PDILT: variants seen among roughly 807,000 people sequenced by gnomAD.
PDILT encodes protein disulfide isomerase like, testis expressed, also known as protein disulfide-isomerase-like protein of the testis.
In PDILT, 43 loss-of-function variants were observed where a neutral mutation model predicts 53.7. The observed-to-expected ratio is 0.80, with a 90% CI of 0.63 to 1.03. The LOEUF is 1.03. PDILT is among the 50% of genes least tolerant of loss of function. The pLI is 0.00. For missense variants in PDILT, 727 were observed against 712.3 expected (o/e 1.02, Z -0.24); for synonymous variants, 282 against 274.2 (o/e 1.03, Z -0.28).
chr16:20,383,729 T>C (rs991502750), intron 3 of PDILT, among the ~76,000 whole-genome samples: 1 of 152,242 alleles, frequency 6.6e-6, no homozygotes, highest in African/African-American at 2.4e-5. Context: ...GACTCAATAA[T>C]TTAACATATA....
At chr16:20,389,741 T>C (rs571116203) in intron 2 of PDILT, among the ~76,000 whole-genome samples, 2 of 152,256 alleles carry the variant, frequency 1.3e-5, no homozygotes, top group South Asian at 4.1e-4. Context: ...AAACCCCAGG[T>C]TTCCTTCTCT....
At chr16:20,402,181 G>A (rs1186793971) in intron 1 of PDILT, among the ~76,000 whole-genome samples, 3 of 152,236 alleles carry the variant, frequency 2.0e-5, no homozygotes, top group Non-Finnish European at 4.4e-5. Flanking sequence ...AGTGGGAAAT[G>A]CAGTGAGATA....
At chr16:20,382,467 C>T (rs886424213) in intron 3 of PDILT, among the ~76,000 whole-genome samples, 1 of 152,220 alleles carries the variant, frequency 6.6e-6, no homozygotes, top group Admixed American at 6.5e-5. Flanking sequence ...ACAACAGAGA[C>T]TGCCTGGCCT....
At chr16:20,367,020 CTTTCT>C (rs1966209340) in intron 8 of PDILT, among the ~76,000 whole-genome samples, 2 of 140,324 alleles carry the variant, frequency 1.4e-5, no homozygotes, top group African/African-American at 5.4e-5. Flanking sequence ...TTCTCTCTCT[CTTTCT>C]TCTTTCTTTC....
chr16:20,389,538 A>G (rs1966582333), intron 2 of PDILT, among the ~76,000 whole-genome samples: 1 of 152,170 alleles, frequency 6.6e-6, no homozygotes. Context: ...GAAAGGGAAC[A>G]ACAGTGACCA....
At chr16:20,402,202 A>G (rs1188686122) in intron 1 of PDILT, among the ~76,000 whole-genome samples, 1 of 152,270 alleles carries the variant, frequency 6.6e-6, no homozygotes, top group Non-Finnish European at 1.5e-5. Context: ...AATAGATGCA[A>G]TCAATGGTGT....
intron 2 of PDILT, among the ~76,000 whole-genome samples, chr16:20,388,052 G>A (rs917744950): frequency 3.3e-5 from 5 of 152,110 alleles, no homozygotes; most frequent in Admixed American, 6.6e-5. Context: ...AGAGATTTGG[G>A]AGGAGGAGTT....
chr16:20,367,027 C>A (rs1567320626), intron 8 of PDILT, among the ~76,000 whole-genome samples: 101 of 6,202 alleles, frequency 0.016, 5 homozygotes, highest in African/African-American at 0.036. Flanking sequence ...TCTCTTTCTT[C>A]TTTCTTTCTT....
chr16:20,398,974 A>G, intron 2 of PDILT, 125 bp downstream of exon 2: 1 of 1,023,264 alleles, frequency 9.8e-7, no homozygotes, highest in Non-Finnish European at 1.5e-6. Flanking sequence ...TATATATTAA[A>G]TGTCTGTTTT....
chr16:20,401,949 T>C (rs1382164531), intron 1 of PDILT, among the ~76,000 whole-genome samples: 1 of 152,182 alleles, frequency 6.6e-6, no homozygotes, highest in Non-Finnish European at 1.5e-5. Context: ...GTGATTCATG[T>C]CCAACAGGAC....
chr16:20,383,113 G>A (rs745625019), intron 3 of PDILT, among the ~76,000 whole-genome samples: 2 of 152,180 alleles, frequency 1.3e-5, no homozygotes, highest in Non-Finnish European at 2.9e-5. Flanking sequence ...TTTCCCTGAT[G>A]AAGGGGGCTC....
At chr16:20,403,035 C>A (rs1438916063) in intron 1 of PDILT, among the ~76,000 whole-genome samples, 2 of 152,320 alleles carry the variant, frequency 1.3e-5, no homozygotes, top group East Asian at 3.9e-4. Flanking sequence ...TCATGGGAAA[C>A]TTTTATTAAT....
At chr16:20,373,342 AC>A (rs1966335238) in intron 5 of PDILT, among the ~76,000 whole-genome samples, 1 of 152,124 alleles carries the variant, frequency 6.6e-6, no homozygotes, top group Admixed American at 6.6e-5. Context: ...TCTCAGATCT[AC>A]GGCAGGCCAC....
intron 4 of PDILT, among the ~76,000 whole-genome samples, chr16:20,375,697 T>C (rs904947570): frequency 6.6e-6 from 1 of 152,166 alleles, no homozygotes; most frequent in African/African-American, 2.4e-5. Context: ...TCGGTTTTAA[T>C]ATATGAGGAT....
intron 3 of PDILT, among the ~76,000 whole-genome samples, chr16:20,383,199 G>T (rs530959656): frequency 2.0e-5 from 3 of 152,086 alleles, no homozygotes; most frequent in Non-Finnish European, 4.4e-5. Context: ...TTACTTTGTC[G>T]CCTCTAAGTG....
intron 9 of PDILT, 49 bp from the exon 10 acceptor site, chr16:20,362,631 A>C: frequency 1.3e-6 from 2 of 1,589,990 alleles, no homozygotes; most frequent in Non-Finnish European, 1.7e-6. Flanking sequence ...AAGATCCAGA[A>C]AGCTGGCGCC....
chr16:20,388,187 G>A (rs1465431736), intron 2 of PDILT, among the ~76,000 whole-genome samples: 1 of 152,152 alleles, frequency 6.6e-6, no homozygotes, highest in East Asian at 1.9e-4. Flanking sequence ...TCGCCATAAT[G>A]ATGATGATAT....
chr16:20,376,326 A>G, intron 3 of PDILT, 125 bp from the exon 4 acceptor site: 1 of 1,123,290 alleles, frequency 8.9e-7, no homozygotes, highest in Non-Finnish European at 1.2e-6. Flanking sequence ...CTTGAAGGCC[A>G]AAGTCAGTTC....
intron 3 of PDILT, among the ~76,000 whole-genome samples, chr16:20,380,862 AT>A (rs1302496250): frequency 6.6e-6 from 1 of 152,176 alleles, no homozygotes; most frequent in Non-Finnish European, 1.5e-5. Context: ...TGTGAGCTCC[AT>A]TTGCCCCTCT....
Sources: allele counts gnomAD v4.1 joint callset (sites outside exome capture counted in the v4.1 genomes callset), GRCh38; gene constraint gnomAD v4.1.1; transcripts MANE v1.5; gene names NCBI Gene and HGNC (gene_info 2026-07-23, HGNC 2026-07-21).